Variants in ZFP64 observed in about 807,000 individuals in gnomAD.
The protein encoded by ZFP64 is zinc finger protein 64.
In ZFP64, 14 loss-of-function variants were observed where a neutral mutation model predicts 51.6. The ratio of observed to expected loss-of-function variants is 0.27; its 90% confidence interval spans 0.18 to 0.42. ZFP64 has a LOEUF of 0.42. ZFP64 is among the 10% of genes least tolerant of loss of function. The pLI is 1.00. For synonymous variants in ZFP64, 375 were observed against 361.4 expected (o/e 1.04, Z -0.43); for missense variants, 754 against 906.8 (o/e 0.83, Z 2.16).
rs765994994 is a variant in ZFP64 at position 52,153,544 on chromosome 20, C to T, written c.764-116G>A. ...AGGTGGGTGGGTGCAGACCTCCTAA[C>T]TGCAGCTTCTAGCAGCCCCTGGCAG... On this transcript the variant is annotated intron_variant, in intron 5 of 5. Transcript: ENST00000216923. This position sits in a 1 kb window ranked among gnomAD's most constrained non-coding sequence, Gnocchi z 5.1. 1 of 1,412,262 alleles carries T rather than the reference C, an allele frequency of 7.1e-7. No individual in the cohort carries two copies. Among genetic ancestry groups the T allele is most frequent in the Non-Finnish European group, 9.3e-7 (1 of 1,074,012 alleles). 87.5% of individuals were successfully genotyped at this position (1,412,262 alleles called of 1,614,324 possible).
At chr20:52,090,612 A>G (rs1186447646) in intron 7 of ZFP64, among the ~76,000 whole-genome samples, 1 of 152,050 alleles carries the variant, frequency 6.6e-6, no homozygotes, top group African/African-American at 2.4e-5. Flanking sequence ...CAGCCTGGCC[A>G]ACATGGTGAA....
At chr20:52,174,482 C>CAAAAA (rs386393988) in intron 2 of ZFP64, among the ~76,000 whole-genome samples, 6 of 55,966 alleles carry the variant, frequency 1.1e-4, no homozygotes, top group Non-Finnish European at 1.7e-4. Context: ...GGCTCCATCT[C>CAAAAA]AAAAAAAAAA....
intron 2 of ZFP64, among the ~76,000 whole-genome samples, chr20:52,176,656 C>T: frequency 6.6e-6 from 1 of 151,628 alleles, no homozygotes; most frequent in East Asian, 1.9e-4. Context: ...ACTACAGGCG[C>T]CCGCCACCGC....
intron 5 of ZFP64, among the ~76,000 whole-genome samples, chr20:52,157,535 A>T (rs1446625223): frequency 1.3e-5 from 2 of 152,192 alleles, no homozygotes; most frequent in Admixed American, 6.5e-5. Context: ...AGGGTTAAGA[A>T]CCAAAGAGCT....
At chr20:52,112,866 C>A (rs1370959065) in intron 5 of ZFP64, among the ~76,000 whole-genome samples, 1 of 152,102 alleles carries the variant, frequency 6.6e-6, no homozygotes, top group Admixed American at 6.5e-5. Flanking sequence ...ATCCTCCCAC[C>A]TCGGCCTCCC....
intron 2 of ZFP64, among the ~76,000 whole-genome samples, chr20:52,169,764 G>T (rs1022386024): frequency 6.6e-6 from 1 of 152,024 alleles, no homozygotes; most frequent in Non-Finnish European, 1.5e-5. Context: ...AAAATTTAAC[G>T]TAGTCCCAGC....
At chr20:52,104,467 C>G (rs1351779183) in intron 5 of ZFP64, among the ~76,000 whole-genome samples, 1 of 152,186 alleles carries the variant, frequency 6.6e-6, no homozygotes. Context: ...CTATCCCCAC[C>G]ACGGCTCCCA....
chr20:52,094,680 AC>A (rs1273373233), intron 7 of ZFP64, among the ~76,000 whole-genome samples: 1 of 152,154 alleles, frequency 6.6e-6, no homozygotes, highest in African/African-American at 2.4e-5. Flanking sequence ...GATCACTTGA[AC>A]CTGATTGCAC....
chr20:52,090,457 C>G (rs1471781568), intron 7 of ZFP64, among the ~76,000 whole-genome samples: 1 of 152,004 alleles, frequency 6.6e-6, no homozygotes, highest in Non-Finnish European at 1.5e-5. Flanking sequence ...GAAAATACTA[C>G]AATGGAAAAA....
chr20:52,125,355 G>A (rs1669741782), intron 5 of ZFP64, among the ~76,000 whole-genome samples: 1 of 152,180 alleles, frequency 6.6e-6, no homozygotes, highest in South Asian at 2.1e-4. Context: ...AAGTGAGGCA[G>A]GCCTGACAGC....
chr20:52,184,319 T>G (rs1167637593), intron 2 of ZFP64, among the ~76,000 whole-genome samples: 1 of 152,234 alleles, frequency 6.6e-6, no homozygotes, highest in East Asian at 1.9e-4. Context: ...CTGAAATATC[T>G]AACTGGCTGG....
intron 5 of ZFP64, among the ~76,000 whole-genome samples, chr20:52,154,030 AT>A (rs145864180): frequency 6.6e-6 from 1 of 152,150 alleles, no homozygotes; most frequent in East Asian, 1.9e-4. Flanking sequence ...CAGCTGCTTG[AT>A]TTTTTTTAAA....
chr20:52,153,571 G>C lies in ZFP64; in HGVS notation c.764-143C>G, dbSNP rs572249394. The C allele has an allele frequency of 8.0e-7, 1 of 1,255,458 alleles. No homozygotes were observed. The highest frequency in any genetic ancestry group is 1.5e-5 in the African/African-American group (1 of 66,408). The allele number at this position is 1,255,458 out of a possible 1,614,324, so 77.8% of individuals were successfully genotyped here. A position where few individuals can be genotyped will look rare whatever the true frequency, so the allele number is the denominator to read the frequency against. ...GCAGCTTCTAGCAGCCCCTGGCAGT[G>C]GGGGAAGAGGGGCAGGGCGTCTTTA... is the stretch of plus-strand genomic sequence containing the variant. On this transcript the variant is annotated intron_variant, in intron 5 of 5. Transcript: ENST00000216923. This position sits in a 1 kb window ranked among gnomAD's most constrained non-coding sequence, Gnocchi z 5.1.
chr20:52,159,483 T>C (rs1331503153), intron 5 of ZFP64, among the ~76,000 whole-genome samples: 1 of 152,212 alleles, frequency 6.6e-6, no homozygotes, highest in Non-Finnish European at 1.5e-5. Context: ...GAGATATACA[T>C]ATGTATAAAG....
intron 5 of ZFP64, among the ~76,000 whole-genome samples, chr20:52,155,604 C>A (rs1290450303): frequency 6.6e-6 from 1 of 151,560 alleles, no homozygotes; most frequent in Non-Finnish European, 1.5e-5. Context: ...AGCTTAACAA[C>A]GTTTTTTGGC....
At chr20:52,163,058 T>C (rs1981958993) in intron 4 of ZFP64, among the ~76,000 whole-genome samples, 1 of 152,170 alleles carries the variant, frequency 6.6e-6, no homozygotes, top group Non-Finnish European at 1.5e-5. Context: ...TTCTCTATCA[T>C]CATTAATAAT....
intron 2 of ZFP64, among the ~76,000 whole-genome samples, chr20:52,174,795 G>C (rs73270851): frequency 1.3e-3 from 194 of 151,956 alleles, no homozygotes; most frequent in African/African-American, 4.4e-3. Flanking sequence ...TGAAGACTTG[G>C]GTTAAAATGG....
At chr20:52,168,047 A>G (rs1449516405) in intron 2 of ZFP64, among the ~76,000 whole-genome samples, 1 of 152,192 alleles carries the variant, frequency 6.6e-6, no homozygotes, top group Non-Finnish European at 1.5e-5. Context: ...TATTTATCGA[A>G]TGGGCTTTTC....
rs145072070 is a variant in ZFP64, at chr20:52,092,454, A to G, written c.977-3811T>C. 5.0e-4 allele frequency among the ~76,000 whole-genome samples: 76 copies of G among 152,360 alleles called. 2 individuals are homozygous for G. The East Asian group carries it at 0.014, about 29-fold the overall frequency. On this transcript the variant is annotated intron_variant, in intron 7 of 8. Transcript: ENST00000361387. ...AGGGGACTACAGATACACAAAGTCAATCGTGACTATTAAGTAGAACTTTAT... is the reference window on the plus strand; with the variant it reads ...AGGGGACTACAGATACACAAAGTCAGTCGTGACTATTAAGTAGAACTTTAT...
Sources: allele counts gnomAD v4.1 joint callset (sites outside exome capture counted in the v4.1 genomes callset), GRCh38; gene constraint gnomAD v4.1.1; non-coding constraint Gnocchi (gnomAD v3.1); transcripts MANE v1.5; gene names NCBI Gene and HGNC (gene_info 2026-07-23, HGNC 2026-07-21).